Variants in CHST8 observed in about 807,000 individuals in gnomAD.
CHST8 encodes carbohydrate sulfotransferase 8, also known as GALNAC-4-ST1.
In CHST8, 10 loss-of-function variants were observed where a neutral mutation model predicts 15.0. The observed-to-expected ratio is 0.67, with a 90% CI of 0.41 to 1.13. CHST8 has a LOEUF of 1.13. CHST8 is among the 50% of genes most tolerant of loss of function. CHST8 has a pLI of 0.00. For synonymous variants in CHST8, 259 were observed against 256.6 expected (o/e 1.01, Z -0.09); for missense variants, 634 against 608.2 (o/e 1.04, Z -0.45).
chr19:33,721,698 A>G (rs999506136), intron 3 of CHST8, among the ~76,000 whole-genome samples: 3 of 150,202 alleles, frequency 2.0e-5, no homozygotes, highest in Non-Finnish European at 4.4e-5. Flanking sequence ...GGCTGGGTGG[A>G]AGAATGTATG....
chr19:33,688,721 G>A (rs1308286591), intron 2 of CHST8, among the ~76,000 whole-genome samples: 1 of 152,170 alleles, frequency 6.6e-6, no homozygotes, highest in Non-Finnish European at 1.5e-5. Context: ...ACAGAGAGAA[G>A]CAGGGTGGAG....
chr19:33,662,299 A>G (rs1972598331), intron 1 of CHST8, among the ~76,000 whole-genome samples: 1 of 152,072 alleles, frequency 6.6e-6, no homozygotes, highest in Non-Finnish European at 1.5e-5. Flanking sequence ...GCTGGTCTCA[A>G]ACTCCTGGAT....
rs192338659 is a variant in CHST8, at chr19:33,631,961, G to T, written c.-164+9665G>T. 8.5e-5 allele frequency among the ~76,000 whole-genome samples: 13 copies of T among 152,280 alleles called. No individual in the cohort carries two copies. The East Asian group carries it at 2.3e-3, about 27-fold the overall frequency. On this transcript the variant is annotated intron_variant, in intron 1 of 4. Transcript: ENST00000650847. ...TGTGCCTAAGAGTCCACAATCAGTG[G>T]CAGCTGCTACTGCTATTATTACTAT... is the stretch of plus-strand genomic sequence containing the variant.
intron 3 of CHST8, among the ~76,000 whole-genome samples, chr19:33,690,820 G>A (rs761203527): frequency 1.9e-4 from 29 of 152,228 alleles, no homozygotes; most frequent in Non-Finnish European, 3.7e-4. Flanking sequence ...TCGGGACAGC[G>A]CCACCAGGGC....
intron 1 of CHST8, among the ~76,000 whole-genome samples, chr19:33,659,090 C>T (rs1214823863): frequency 3.3e-5 from 3 of 90,458 alleles, no homozygotes; most frequent in South Asian, 3.7e-4. Flanking sequence ...TTTGAGATGG[C>T]GTCTTGCTCC....
At chr19:33,623,645 C>T (rs920328593) in intron 1 of CHST8, among the ~76,000 whole-genome samples, 2 of 152,298 alleles carry the variant, frequency 1.3e-5, no homozygotes, top group East Asian at 3.9e-4. Flanking sequence ...GTGGGGAAGT[C>T]TTTCCCTAAG....
intron 4 of CHST8, 93 bp downstream of exon 4, chr19:33,771,543 A>C (rs1035502301): frequency 7.9e-7 from 1 of 1,269,362 alleles, no homozygotes; most frequent in Non-Finnish European, 1.1e-6. Flanking sequence ...CATTGGATCC[A>C]TTCTTGGAAA....
intron 1 of CHST8, among the ~76,000 whole-genome samples, chr19:33,628,010 T>A (rs1972078276): frequency 6.6e-6 from 1 of 152,092 alleles, no homozygotes; most frequent in Non-Finnish European, 1.5e-5. Context: ...AAATAAACAC[T>A]CAGGTACTAT....
chr19:33,675,238 C>T (rs923095044), intron 2 of CHST8, among the ~76,000 whole-genome samples: 1 of 152,156 alleles, frequency 6.6e-6, no homozygotes, highest in Non-Finnish European at 1.5e-5. Context: ...TCCCCTCAGC[C>T]CCAGGCACAC....
intron 3 of CHST8, among the ~76,000 whole-genome samples, chr19:33,690,429 C>T (rs1211425102): frequency 6.6e-6 from 1 of 152,158 alleles, no homozygotes; most frequent in Non-Finnish European, 1.5e-5. Flanking sequence ...CCATTATGGA[C>T]GAGCACCCAT....
chr19:33,739,448 A>G (rs1974145574), intron 3 of CHST8, among the ~76,000 whole-genome samples: 1 of 152,198 alleles, frequency 6.6e-6, no homozygotes. Context: ...ATCCTCAGAT[A>G]TCCCAGAGAG....
chr19:33,770,751 C>A (rs186695811), intron 3 of CHST8, among the ~76,000 whole-genome samples: 1 of 152,182 alleles, frequency 6.6e-6, no homozygotes, highest in South Asian at 2.1e-4. Flanking sequence ...TCTACCTGGG[C>A]GCTGCTTAGG....
intron 3 of CHST8, among the ~76,000 whole-genome samples, chr19:33,742,029 A>AG (rs1326298301): frequency 6.6e-6 from 1 of 152,128 alleles, no homozygotes; most frequent in East Asian, 1.9e-4. Flanking sequence ...CAACACTTCC[A>AG]GTTCTCAGGG....
chr19:33,691,052 C>A (rs117425647), intron 3 of CHST8, among the ~76,000 whole-genome samples: 2,488 of 152,268 alleles, frequency 0.016, 33 homozygotes, highest in South Asian at 0.045. Flanking sequence ...GGCCTGGACC[C>A]ATCGGTGGGA....
chr19:33,757,166 G>T (rs1375183855), intron 3 of CHST8, among the ~76,000 whole-genome samples: 1 of 151,960 alleles, frequency 6.6e-6, no homozygotes, highest in Non-Finnish European at 1.5e-5. Context: ...CAGGCAGGTG[G>T]ATTGCTTGAG....
At position 33,772,377 on chromosome 19, in the gene CHST8, G is replaced by A. The variant is rs1275924289; in HGVS notation, c.589G>A (p.Val197Met). The change falls in exon 5 of 5, where the codon GTG becomes ATG. Residue 197 changes from valine to methionine, a missense_variant. Transcript: ENST00000650847. ...CCGCCACCGCGTGCTCTACTGCGAG[G>A]TGCCCAAGGCCGGCTGCTCCAATTG... ...EDRHRVLYCE[V>M]PKAGCSNWKR... 6.2e-7 allele frequency: 1 copy of A among 1,608,934 alleles called. No homozygotes were observed. Among genetic ancestry groups the A allele is most frequent in the East Asian group, 2.2e-5 (1 of 44,854 alleles).
At chr19:33,705,331 G>A (rs375671900) in intron 3 of CHST8, among the ~76,000 whole-genome samples, 11 of 152,202 alleles carry the variant, frequency 7.2e-5, no homozygotes, top group East Asian at 3.9e-4. Flanking sequence ...TTCAGCAGCC[G>A]GGAGCCCTGC....
intron 1 of CHST8, among the ~76,000 whole-genome samples, chr19:33,628,156 G>A (rs1351597971): frequency 1.3e-5 from 2 of 152,072 alleles, no homozygotes; most frequent in East Asian, 3.9e-4. Context: ...GGAAAGGATG[G>A]GGAGAGAGAA....
chr19:33,759,445 C>T (rs1974671491), intron 3 of CHST8, among the ~76,000 whole-genome samples: 1 of 152,216 alleles, frequency 6.6e-6, no homozygotes, highest in African/African-American at 2.4e-5. Flanking sequence ...TGCTGAGAGC[C>T]TGGGGTGGGA....
Sources: allele counts gnomAD v4.1 joint callset (sites outside exome capture counted in the v4.1 genomes callset), GRCh38; gene constraint gnomAD v4.1.1; transcripts MANE v1.5; gene names NCBI Gene and HGNC (gene_info 2026-07-23, HGNC 2026-07-21).